KLF12: variants seen among roughly 807,000 people sequenced by gnomAD.
KLF12 encodes Krueppel-like factor 12.
Under a neutral mutation model 37.8 loss-of-function variants are expected in KLF12, and 9 were observed. The ratio of observed to expected loss-of-function variants is 0.24; its 90% CI spans 0.14 to 0.42. The LOEUF (loss-of-function observed/expected upper bound fraction) is 0.42, where lower values mean the gene tolerates loss of function less well. Ranked by LOEUF, KLF12 falls within the 10% of genes least tolerant of loss-of-function variation. KLF12 has a pLI of 1.00. For missense variants in KLF12, 411 were observed against 516.0 expected, an observed-to-expected ratio of 0.80 and a Z score of 1.97; for synonymous variants, 208 against 202.1, an observed-to-expected ratio of 1.03 and a Z score of -0.25.
chr13:74,298,070 A>C, the KLF12 span, among the ~76,000 whole-genome samples: 2 of 152,226 alleles, frequency 1.3e-5, no homozygotes, highest in African/African-American at 4.8e-5. Flanking sequence ...AAGAGAAATG[A>C]AATGAAATAT....
the KLF12 span, among the ~76,000 whole-genome samples, chr13:74,301,873 G>C: frequency 6.6e-6 from 1 of 152,060 alleles, no homozygotes; most frequent in Non-Finnish European, 1.5e-5. Context: ...TGAGCTGCCC[G>C]TGTTAAATGA....
chr13:74,268,420 A>G, the KLF12 span, among the ~76,000 whole-genome samples: 65,257 of 151,754 alleles, frequency 0.43, 16,844 homozygotes, highest in East Asian at 0.75. Flanking sequence ...TTAGCTCATC[A>G]GATTATGTCG....
At chr13:73,767,516 T>C (rs1234137830) in intron 5 of KLF12, among the ~76,000 whole-genome samples, 1 of 152,228 alleles carries the variant, frequency 6.6e-6, no homozygotes. Flanking sequence ...CAATCTTGGT[T>C]GTTGTGTAAC....
chr13:73,785,037 G>A (rs1881247910), intron 5 of KLF12, among the ~76,000 whole-genome samples: 1 of 151,848 alleles, frequency 6.6e-6, no homozygotes, highest in African/African-American at 2.4e-5. Context: ...CATTTTCATA[G>A]TAGGGCTACT....
chr13:74,195,158 G>C, the KLF12 span, among the ~76,000 whole-genome samples: 1 of 152,082 alleles, frequency 6.6e-6, no homozygotes, highest in Non-Finnish European at 1.5e-5. Context: ...TATCTCATAA[G>C]ATTAAATTAA....
the KLF12 span, among the ~76,000 whole-genome samples, chr13:74,237,293 T>G: frequency 7.0e-6 from 1 of 143,526 alleles, no homozygotes; most frequent in Non-Finnish European, 1.5e-5. Flanking sequence ...TCTGTTCCAT[T>G]GATCTATATC....
At chr13:74,194,223 G>T in the KLF12 span, among the ~76,000 whole-genome samples, 31 of 152,154 alleles carry the variant, frequency 2.0e-4, no homozygotes, top group Non-Finnish European at 5.9e-5. Context: ...AAAGGGTGCA[G>T]CAGAGCATGC....
chr13:73,696,911 C>T (rs1335694988), intron 7 of KLF12, among the ~76,000 whole-genome samples: 1 of 152,184 alleles, frequency 6.6e-6, no homozygotes, highest in Admixed American at 6.5e-5. Context: ...AAATTATTCA[C>T]TTCCTATTTC....
upstream of KLF12, among the ~76,000 whole-genome samples, chr13:74,136,675 G>T (rs1375978408): frequency 6.6e-6 from 1 of 152,076 alleles, no homozygotes; most frequent in Non-Finnish European, 1.5e-5. Flanking sequence ...CTTGTTAGGA[G>T]AGTGATGAAA....
chr13:74,071,482 C>G (rs111597833), intron 1 of KLF12, among the ~76,000 whole-genome samples: 6 of 151,506 alleles, frequency 4.0e-5, no homozygotes, highest in African/African-American at 4.9e-5. Context: ...GTCAGGAGAT[C>G]GAGACCATCC....
chr13:73,871,554 G>C (rs933944238), intron 3 of KLF12, among the ~76,000 whole-genome samples: 1 of 152,186 alleles, frequency 6.6e-6, no homozygotes, highest in African/African-American at 2.4e-5. Flanking sequence ...TACAAACGGA[G>C]TCCAGTCCCA....
chr13:74,132,232 A>T (rs988479810), intron 1 of KLF12, among the ~76,000 whole-genome samples: 2 of 152,182 alleles, frequency 1.3e-5, no homozygotes, highest in African/African-American at 4.8e-5. Context: ...TCCCATCACA[A>T]GCTGCTTCTT....
intron 3 of KLF12, among the ~76,000 whole-genome samples, chr13:73,896,304 T>C (rs1215849536): frequency 6.6e-6 from 1 of 152,230 alleles, no homozygotes; most frequent in East Asian, 1.9e-4. Flanking sequence ...GCCAATTAAC[T>C]AGCTTTAAAA....
Position 74,052,350 on chromosome 13 carries a change from A to G in KLF12, c.-31-57297T>C, listed in dbSNP as rs552446040. The stretch of plus-strand genomic sequence containing the variant: ...CGCTGCCTGGGTTTACCTGCTACTC[A>G]TTAGATAATTCTGAGAATTACATTT... On this transcript the variant is annotated intron_variant, in intron 1 of 7. Transcript: ENST00000377669. Among the ~76,000 whole-genome samples the G allele has an allele frequency of 5.3e-5, 8 of 152,272 alleles. No individual in the cohort carries two copies. The South Asian group carries it at 1.2e-3, about 24-fold the overall frequency.
chr13:73,985,722 T>C (rs796112642), intron 2 of KLF12, among the ~76,000 whole-genome samples: 13 of 152,320 alleles, frequency 8.5e-5, no homozygotes, highest in African/African-American at 3.1e-4. Context: ...CTATTAAAAC[T>C]GCAAAAGGCC....
the KLF12 span, among the ~76,000 whole-genome samples, chr13:74,274,358 G>A: frequency 6.6e-6 from 1 of 152,054 alleles, no homozygotes; most frequent in African/African-American, 2.4e-5. Flanking sequence ...ATATTGCAGT[G>A]CTTCTTCTTA....
chr13:74,281,523 T>C, the KLF12 span, among the ~76,000 whole-genome samples: 8 of 152,198 alleles, frequency 5.3e-5, no homozygotes, highest in Non-Finnish European at 1.0e-4. Context: ...ATATATTTTA[T>C]TGTAAGGTAC....
At chr13:73,907,284 T>C (rs749924845) in intron 3 of KLF12, among the ~76,000 whole-genome samples, 7 of 152,164 alleles carry the variant, frequency 4.6e-5, no homozygotes, top group Admixed American at 2.6e-4. Flanking sequence ...CTACCTATGG[T>C]GCCTCCAGAA....
chr13:73,821,585 T>C (rs533444744), intron 4 of KLF12, among the ~76,000 whole-genome samples: 3 of 152,342 alleles, frequency 2.0e-5, no homozygotes, highest in African/African-American at 7.2e-5. Context: ...CTTGAAGTCC[T>C]ATTGTACAAA....
Sources: allele counts gnomAD v4.1 joint callset (sites outside exome capture counted in the v4.1 genomes callset), GRCh38; gene constraint gnomAD v4.1.1; transcripts MANE v1.5; gene names NCBI Gene and HGNC (gene_info 2026-07-23, HGNC 2026-07-21).